The following CTSE variants were observed in gnomAD, a reference collection of about 807,000 sequenced individuals.
The protein encoded by CTSE is erythrocyte membrane aspartic proteinase.
Under a neutral mutation model 42.8 loss-of-function variants are expected in CTSE, and 43 were observed. The observed-to-expected ratio is 1.01, with a 90% confidence interval of 0.79 to 1.30. The LOEUF (loss-of-function observed/expected upper bound fraction) is 1.30. Among genes scored for constraint, CTSE ranks in the 50% most tolerant of loss-of-function variants. CTSE has a pLI of 0.00. For synonymous variants in CTSE, 205 were observed against 191.5 expected, an observed-to-expected ratio of 1.07 and a Z score of -0.58; for missense variants, 532 against 493.5, an observed-to-expected ratio of 1.08 and a Z score of -0.74.
intron 3 of CTSE, 72 bp from the exon 4 acceptor site, chr1:206,021,239 G>A (rs1661411089): frequency 1.7e-6 from 2 of 1,197,422 alleles, no homozygotes; most frequent in Admixed American, 1.7e-5. Flanking sequence ...ATGCCACCCA[G>A]CCCCACAGCG....
At chr1:206,011,374 G>A (rs1204730112) in intron 8 of CTSE, among the ~76,000 whole-genome samples, 1 of 151,936 alleles carries the variant, frequency 6.6e-6, no homozygotes, top group Non-Finnish European at 1.5e-5. Flanking sequence ...CTCAACTCAC[G>A]TGGGGGAAGG....
At chr1:206,011,053 A>C (rs1189735546) in intron 8 of CTSE, among the ~76,000 whole-genome samples, 1 of 152,058 alleles carries the variant, frequency 6.6e-6, no homozygotes, top group Non-Finnish European at 1.5e-5. Flanking sequence ...AAATTTTTAC[A>C]GCAGTTTTGA....
intron 8 of CTSE, 105 bp downstream of exon 8, chr1:206,012,203 C>T (rs1165446277): frequency 3.9e-5 from 34 of 871,110 alleles, no homozygotes; most frequent in African/African-American, 1.7e-4. Flanking sequence ...CAACGTGGGG[C>T]GGGGCTTAGG....
rs781899501 is a variant in CTSE at position 206,015,981 on chromosome 1, C to T, written c.612G>A (p.Met204Ile). The change falls in exon 5 of 9, where the codon ATG (methionine) becomes ATA (isoleucine). Residue 204 changes from methionine to isoleucine, a missense_variant. Met to Ile is a conservative substitution (Grantham distance 10). Coordinates refer to ENST00000358184, the MANE Select transcript of CTSE (RefSeq NM_001910.4). ...VGGVTPVFDN[M>I]MAQNLVDLPM... ...GCAAGTCCACCAGGTTCTGAGCCAT[C>T]ATGTTGTCAAATACTGGAGTCACTC... 2.5e-6 allele frequency: 4 copies of T among 1,613,798 alleles called. No homozygotes were observed. The African/African-American group carries it at 5.3e-5, about 22-fold the overall frequency.
In CTSE at chr1:206,023,716, C is replaced by G. The variant is rs782182653; in HGVS notation, c.68+8G>C. 1 of 1,613,176 alleles carries G rather than the reference C, an allele frequency of 6.2e-7. No individual in the cohort carries two copies. Among genetic ancestry groups the G allele is most frequent in the South Asian group, 1.1e-5 (1 of 91,062 alleles). The stretch of plus-strand genomic sequence containing the variant: ...CCAGCTGAACACAGTGCGGGGACGT[C>G]TTCTCACCTGTGAAGGGATCCTTGG... On this transcript the variant is annotated splice_region_variant and intron_variant, in intron 1 of 8. Transcript: ENST00000358184.
intron 1 of CTSE, 68 bp from the exon 2 acceptor site, chr1:206,023,125 A>G (rs1348474792): frequency 1.5e-6 from 1 of 670,562 alleles, no homozygotes; most frequent in African/African-American, 2.1e-5. Context: ...TTCTCGTCCC[A>G]TTTTCTCAGG....
In CTSE at chr1:206,013,819, A is replaced by C; in HGVS notation, c.738T>G (p.Asn246Lys). ...AAGCTTGCTTGGTGACTGGGACCCA[A>C]TTCAGGCTCCCAGAGAAATGGGAGT... ...YDHSHFSGSL[N>K]WVPVTKQAYW... Residue 246 changes from asparagine to lysine, a missense_variant, in exon 6 of 9, where the codon AAT becomes AAG. Physicochemically the swap from Asn to Lys is moderately conservative, Grantham distance 94. Transcript: ENST00000358184. 2 of 1,613,752 alleles carry C rather than the reference A, an allele frequency of 1.2e-6. No individual in the cohort carries two copies. Among genetic ancestry groups the C allele is most frequent in the Non-Finnish European group, 1.7e-6 (2 of 1,179,766 alleles).
At chr1:206,023,132 C>A in intron 1 of CTSE, 75 bp from the exon 2 acceptor site, 1 of 1,001,540 alleles carries the variant, frequency 1.0e-6, no homozygotes. Context: ...CCCATTTTCT[C>A]AGGGGCCAAC....
Position 206,010,169 on chromosome 1 carries a change from C to A in CTSE, c.*14G>T, listed in dbSNP as rs782445239. 24 of 1,613,508 alleles carry A rather than the reference C, an allele frequency of 1.5e-5. No individual in the cohort carries two copies. Among genetic ancestry groups the A allele is most frequent in the Non-Finnish European group, 1.9e-5 (23 of 1,179,750 alleles). On this transcript the variant is annotated 3_prime_UTR_variant, in exon 9 of 9. Coordinates refer to ENST00000358184, the MANE Select transcript of CTSE (RefSeq NM_001910.4). ...GGTCTGTCAGACAGGCAGGCACAGACACAAGGCCCCTCCTTAGGGGACTGC... is the reference window on the plus strand; with the variant it reads ...GGTCTGTCAGACAGGCAGGCACAGAAACAAGGCCCCTCCTTAGGGGACTGC...
chr1:206,021,016 C>T (rs1553278287), intron 4 of CTSE, 33 bp downstream of exon 4: 6 of 1,477,314 alleles, frequency 4.1e-6, no homozygotes, highest in African/African-American at 1.4e-5. Flanking sequence ...AAGTTTCTGT[C>T]CAAGAGAGAA....
At chr1:206,022,300 G>T in intron 2 of CTSE, 33 bp from the exon 3 acceptor site, 1 of 1,506,446 alleles carries the variant, frequency 6.6e-7, no homozygotes, top group Admixed American at 1.7e-5. Context: ...AAGAGGGTGT[G>T]GGTGGTGGGG....
At chr1:206,018,413 T>G (rs1661319845) in intron 4 of CTSE, among the ~76,000 whole-genome samples, 1 of 152,042 alleles carries the variant, frequency 6.6e-6, no homozygotes, top group Non-Finnish European at 1.5e-5. Flanking sequence ...CTTTTCAAGT[T>G]TCATTATTAA....
chr1:206,011,788 G>T (rs975931077), intron 8 of CTSE, among the ~76,000 whole-genome samples: 10 of 152,052 alleles, frequency 6.6e-5, no homozygotes, highest in Non-Finnish European at 1.0e-4. Context: ...AAAGGTCTGG[G>T]AGTTCCCTTT....
At chr1:206,023,145 G>T in intron 1 of CTSE, 88 bp from the exon 2 acceptor site, 1 of 497,176 alleles carries the variant, frequency 2.0e-6, no homozygotes, top group Non-Finnish European at 3.9e-6. Context: ...GGGCCAACTA[G>T]AGAAGATGGG....
In CTSE at chr1:206,019,593, AT is replaced by A. The variant is rs1661354414; in HGVS notation, c.462+1455del. Among the ~76,000 whole-genome samples, 4 of 151,848 alleles carry A rather than the reference AT, an allele frequency of 2.6e-5. No homozygotes were observed. The South Asian group carries it at 8.3e-4, about 31-fold the overall frequency. ...GGCTTGAATTCCCCTTTCTATGCTA[AT>A]TTCAGTCCCTTCCCTGCATCTCAGA... On this transcript the variant is annotated intron_variant, in intron 4 of 8. Coordinates refer to ENST00000358184, the MANE Select transcript of CTSE (RefSeq NM_001910.4).
chr1:206,023,390 C>G (rs1661509116), intron 1 of CTSE, among the ~76,000 whole-genome samples: 1 of 151,880 alleles, frequency 6.6e-6, no homozygotes, highest in Non-Finnish European at 1.5e-5. Flanking sequence ...CAGAAAAACT[C>G]TTGGGGACAG....
Position 206,023,016 on chromosome 1 carries a change from CGCA to C in CTSE, c.107_109del (p.Leu36del). 2 of 1,613,250 alleles carry C rather than the reference CGCA, an allele frequency of 1.2e-6. No individual in the cohort carries two copies. Among genetic ancestry groups the C allele is most frequent in the Non-Finnish European group, 8.5e-7 (1 of 1,179,498 alleles). Reference sequence around the variant, plus strand: ...GAACTCAGAGAGCTGGCTCCGTGCCCGCAGCTTCTTCTTGAGGGACGGATGCCT... The same window carrying C: ...GAACTCAGAGAGCTGGCTCCGTGCCCGCTTCTTCTTGAGGGACGGATGCCT... On this transcript the variant is annotated inframe_deletion, in exon 2 of 9. Coordinates refer to ENST00000358184, the MANE Select transcript of CTSE (RefSeq NM_001910.4).
chr1:206,013,236 G>A (rs571810902), intron 6 of CTSE, among the ~76,000 whole-genome samples: 13 of 152,062 alleles, frequency 8.5e-5, no homozygotes, highest in African/African-American at 2.6e-4. Context: ...CAATTGCTTC[G>A]TGCCCAGATA....
At chr1:206,014,433 T>C (rs1212142311) in intron 5 of CTSE, among the ~76,000 whole-genome samples, 1 of 152,016 alleles carries the variant, frequency 6.6e-6, no homozygotes, top group Non-Finnish European at 1.5e-5. Flanking sequence ...TCTGGAGAAA[T>C]AGGACCTAAG....
Sources: allele counts gnomAD v4.1 joint callset (sites outside exome capture counted in the v4.1 genomes callset), GRCh38; gene constraint gnomAD v4.1.1; transcripts MANE v1.5; gene names NCBI Gene and HGNC (gene_info 2026-07-23, HGNC 2026-07-21).